The following SMYD3 variants were observed in gnomAD, a reference collection of about 807,000 sequenced individuals.
SMYD3 encodes the protein SET and MYND domain containing 3.
In SMYD3, 36 loss-of-function variants were observed where a neutral mutation model predicts 57.7. The ratio of observed to expected loss-of-function variants is 0.62; its 90% CI spans 0.48 to 0.82. SMYD3 has a LOEUF of 0.82. SMYD3 is among the 40% of genes least tolerant of loss of function. The probability of loss-of-function intolerance (pLI) is 0.00; values close to 1 mark genes in which losing one functional copy is unlikely to be tolerated. For missense variants in SMYD3, 515 were observed against 538.8 expected, an observed-to-expected ratio of 0.96 and a Z score of 0.44; for synonymous variants, 211 against 195.0, an observed-to-expected ratio of 1.08 and a Z score of -0.68.
intron 2 of SMYD3, among the ~76,000 whole-genome samples, chr1:246,338,655 T>C (rs969485039): frequency 3.3e-5 from 5 of 152,142 alleles, no homozygotes; most frequent in African/African-American, 1.2e-4. Flanking sequence ...AGTTTCATGC[T>C]GGAAAAAAAG....
In SMYD3 at chr1:245,839,801, G is replaced by A. The variant is rs140992350; in HGVS notation, c.1076+18695C>T. Reference sequence around the variant, plus strand: ...AGAGAAAGCAGAATTAATAAGCAGGGGGAAAAATGAAGAACACTCAGTTCA... The same window carrying A: ...AGAGAAAGCAGAATTAATAAGCAGGAGGAAAAATGAAGAACACTCAGTTCA... On this transcript the variant is annotated intron_variant, in intron 10 of 11. Coordinates refer to ENST00000490107, the MANE Select transcript of SMYD3 (RefSeq NM_001167740.2). Among the ~76,000 whole-genome samples, 342 of 151,842 alleles carry A rather than the reference G, an allele frequency of 2.3e-3. 2 individuals carry two copies. Among genetic ancestry groups the A allele is most frequent in the African/African-American group, 7.8e-3 (323 of 41,416 alleles).
chr1:246,294,718 T>C (rs1197643), intron 5 of SMYD3, among the ~76,000 whole-genome samples: 60,141 of 151,496 alleles, frequency 0.4, 12,456 homozygotes, highest in East Asian at 0.73. Flanking sequence ...CCTGCCTCAG[T>C]CTCCCAAGTA....
intron 5 of SMYD3, among the ~76,000 whole-genome samples, chr1:246,060,858 G>A (rs1170129172): frequency 6.6e-6 from 1 of 152,160 alleles, no homozygotes; most frequent in Non-Finnish European, 1.5e-5. Flanking sequence ...TACACTAACT[G>A]GCTGACTACA....
intron 5 of SMYD3, among the ~76,000 whole-genome samples, chr1:246,177,901 G>A (rs181197035): frequency 6.6e-6 from 1 of 152,254 alleles, no homozygotes; most frequent in Non-Finnish European, 1.5e-5. Flanking sequence ...AACTCCCCCA[G>A]GCCATCCTTA....
chr1:245,787,771 C>T (rs762913138), intron 10 of SMYD3, among the ~76,000 whole-genome samples: 3 of 152,152 alleles, frequency 2.0e-5, no homozygotes, highest in Non-Finnish European at 2.9e-5. Flanking sequence ...AACACAACTA[C>T]GTGCTGCATT....
intron 11 of SMYD3, among the ~76,000 whole-genome samples, chr1:245,761,001 G>A (rs770000408): frequency 5.9e-5 from 9 of 152,246 alleles, no homozygotes; most frequent in African/African-American, 1.2e-4. Flanking sequence ...AGAGATTAAC[G>A]CAAATGGTGG....
At chr1:246,478,099 G>A (rs1248694760) in intron 1 of SMYD3, among the ~76,000 whole-genome samples, 1 of 141,382 alleles carries the variant, frequency 7.1e-6, no homozygotes, top group Non-Finnish European at 1.6e-5. Flanking sequence ...GAACATATGT[G>A]GCTAGGTACC....
intron 5 of SMYD3, among the ~76,000 whole-genome samples, chr1:246,270,388 G>A (rs1366566869): frequency 1.3e-5 from 2 of 152,094 alleles, no homozygotes; most frequent in Non-Finnish European, 2.9e-5. Flanking sequence ...CATTCATAAT[G>A]TTGTGCACCA....
intron 9 of SMYD3, among the ~76,000 whole-genome samples, chr1:245,861,903 T>C (rs1381218681): frequency 2.0e-5 from 3 of 152,220 alleles, no homozygotes; most frequent in African/African-American, 7.2e-5. Flanking sequence ...ATCAGGTGAA[T>C]GATGACCAGC....
intron 5 of SMYD3, among the ~76,000 whole-genome samples, chr1:245,956,687 C>T (rs1410931748): frequency 6.6e-6 from 1 of 152,186 alleles, no homozygotes; most frequent in African/African-American, 2.4e-5. Context: ...TACTCCCCTA[C>T]TCCCCTGGGT....
chr1:246,462,206 G>A (rs756360836), intron 1 of SMYD3, among the ~76,000 whole-genome samples: 14 of 81,478 alleles, frequency 1.7e-4, no homozygotes, highest in Admixed American at 2.7e-4. Context: ...ATCCTCCCGC[G>A]GGGCCTGCTG....
intron 8 of SMYD3, among the ~76,000 whole-genome samples, chr1:245,882,458 C>A (rs1489684386): frequency 6.6e-6 from 1 of 152,090 alleles, no homozygotes; most frequent in East Asian, 1.9e-4. Flanking sequence ...CTACAATGAG[C>A]CAAAAATCAA....
chr1:246,082,354 C>G (rs2060649653), intron 5 of SMYD3, among the ~76,000 whole-genome samples: 1 of 152,150 alleles, frequency 6.6e-6, no homozygotes, highest in Admixed American at 6.5e-5. Context: ...TAAGATTGGT[C>G]TTTCGAAACG....
At chr1:246,351,042 C>T (rs553201183) in intron 2 of SMYD3, among the ~76,000 whole-genome samples, 1 of 152,302 alleles carries the variant, frequency 6.6e-6, no homozygotes, top group South Asian at 2.1e-4. Context: ...AGTCTAAGAA[C>T]CAGCCTATTA....
chr1:245,897,028 A>C (rs2053860479), intron 8 of SMYD3, among the ~76,000 whole-genome samples: 1 of 152,244 alleles, frequency 6.6e-6, no homozygotes, highest in Non-Finnish European at 1.5e-5. Context: ...CAGTAAAATA[A>C]ACTTCATGGA....
intron 5 of SMYD3, among the ~76,000 whole-genome samples, chr1:246,106,487 G>A (rs1020473803): frequency 1.4e-5 from 2 of 145,178 alleles, no homozygotes; most frequent in African/African-American, 5.2e-5. Context: ...TAAACTGATC[G>A]CCTCTGTATC....
chr1:245,754,463 ATGAAAGAAAAGCAGAGGG>A (rs1410164293), intron 11 of SMYD3, among the ~76,000 whole-genome samples: 2 of 152,210 alleles, frequency 1.3e-5, no homozygotes, highest in Non-Finnish European at 2.9e-5. Context: ...CCAACTCAGA[ATGAAAGAAAAGCAGAGGG>A]TGGGGCACAG....
intron 9 of SMYD3, among the ~76,000 whole-genome samples, chr1:245,862,568 T>C (rs528904827): frequency 6.6e-6 from 1 of 152,204 alleles, no homozygotes; most frequent in Non-Finnish European, 1.5e-5. Flanking sequence ...TACGTCACTT[T>C]GGAGATTTGA....
At chr1:246,485,367 T>C (rs958114403) in intron 1 of SMYD3, among the ~76,000 whole-genome samples, 4 of 152,230 alleles carry the variant, frequency 2.6e-5, no homozygotes, top group African/African-American at 9.6e-5. Context: ...TAAAATCCTG[T>C]CTGTACATTT....
Sources: gnomAD v4.1 joint callset for allele counts (sites outside exome capture counted in the v4.1 genomes callset) on GRCh38, gnomAD v4.1.1 for gene constraint, MANE v1.5 for transcripts, NCBI Gene and HGNC (gene_info 2026-07-23, HGNC 2026-07-21) for gene names.